The following SNAP91 variants were observed in gnomAD, a reference collection of about 807,000 sequenced individuals.
SNAP91 encodes synaptosome associated protein 91.
SNAP91 carries 27 observed loss-of-function variants against 100.3 expected under a neutral mutation model. The observed-to-expected ratio is 0.27, with a 90% CI of 0.20 to 0.37. The LOEUF is 0.37. SNAP91 is among the 10% of genes least tolerant of loss of function. The pLI is 1.00. For missense variants in SNAP91, 986 were observed against 1,123.7 expected (o/e 0.88, Z 1.75); for synonymous variants, 404 against 398.6 (o/e 1.01, Z -0.16).
chr6:83,656,761 G>A lies in SNAP91; in HGVS notation c.651C>T (p.Asn217=). The part of the protein sequence containing the change: ...LFACYNDGVI[N]LLEKFFEMKK... ...TTCGGTTGTTCCACCTACCGAGTAA[G>A]TTAATAACACCATCATTGTAGCAAG... Residue 217 remains asparagine, a synonymous_variant, in exon 7 of 30, where the codon AAC becomes AAT. Transcript: ENST00000369694. 6.5e-7 allele frequency: 1 copy of A among 1,540,706 alleles called. No individual in the cohort carries two copies.
At chr6:83,612,023 A>T (rs1326703631) in intron 11 of SNAP91, among the ~76,000 whole-genome samples, 2 of 151,560 alleles carry the variant, frequency 1.3e-5, no homozygotes, top group Non-Finnish European at 2.9e-5. Flanking sequence ...GCCAGGCCCA[A>T]GTTAATATCT....
At chr6:83,641,025 TTA>T in intron 8 of SNAP91, 69 bp downstream of exon 8, 1 of 843,172 alleles carries the variant, frequency 1.2e-6, no homozygotes, top group Non-Finnish European at 1.8e-6. Flanking sequence ...ACACCTTCTA[TTA>T]TATATACTCC....
intron 22 of SNAP91, among the ~76,000 whole-genome samples, chr6:83,584,201 T>C (rs954498294): frequency 6.6e-6 from 1 of 152,228 alleles, no homozygotes; most frequent in Non-Finnish European, 1.5e-5. Context: ...AACTGTTCTA[T>C]GTTGTGATTC....
Position 83,629,581 on chromosome 6 carries a change from C to T in SNAP91, c.766-6239G>A, listed in dbSNP as rs182012478. The stretch of plus-strand genomic sequence containing the variant: ...GTAGAGGTCTTTCACCTCCTCGGTT[C>T]GGTATATTCCTAAGTATTTTATTTT... On this transcript the variant is annotated intron_variant, in intron 8 of 29. Coordinates refer to ENST00000369694, the MANE Select transcript of SNAP91 (RefSeq NM_001242792.2). Among the ~76,000 whole-genome samples the T allele has an allele frequency of 7.6e-3, 1,154 of 151,798 alleles. 8 individuals are homozygous for T. Among genetic ancestry groups the T allele is most frequent in the African/African-American group, 0.025 (1,055 of 41,434 alleles).
intron 2 of SNAP91, among the ~76,000 whole-genome samples, chr6:83,684,398 T>C (rs1166154715): frequency 6.6e-6 from 1 of 152,112 alleles, no homozygotes; most frequent in Non-Finnish European, 1.5e-5. Context: ...ACCCCCATGC[T>C]CTTTCACAAC....
At chr6:83,679,998 A>G (rs2098964995) in intron 2 of SNAP91, among the ~76,000 whole-genome samples, 1 of 152,120 alleles carries the variant, frequency 6.6e-6, no homozygotes, top group South Asian at 2.1e-4. Flanking sequence ...CATATACTCA[A>G]TTATTAACAG....
intron 5 of SNAP91, among the ~76,000 whole-genome samples, chr6:83,661,038 G>A (rs2098534530): frequency 6.6e-6 from 1 of 152,124 alleles, no homozygotes; most frequent in South Asian, 2.1e-4. Context: ...TAACTCCTGA[G>A]CTCAAATGAT....
At chr6:83,595,954 A>T (rs1033656) in intron 16 of SNAP91, among the ~76,000 whole-genome samples, 57,107 of 152,108 alleles carry the variant, frequency 0.38, 11,479 homozygotes, top group South Asian at 0.5. Flanking sequence ...TTACCAAATC[A>T]CAAATATCCC....
intron 25 of SNAP91, chr6:83,575,396 T>A: frequency 2.4e-6 from 1 of 416,270 alleles, no homozygotes. Flanking sequence ...GTCAGAAAAA[T>A]CCAACTGGAT....
chr6:83,556,305 T>C, intron 28 of SNAP91, 60 bp from the exon 29 acceptor site: 1 of 176,910 alleles, frequency 5.7e-6, no homozygotes, highest in Admixed American at 1.0e-4. Context: ...GAATGAGACA[T>C]GGGGGGAAGA....
chr6:83,583,362 C>T (rs1038704627), intron 22 of SNAP91, among the ~76,000 whole-genome samples: 6 of 152,186 alleles, frequency 3.9e-5, no homozygotes, highest in African/African-American at 1.2e-4. Context: ...ATATCCTGCA[C>T]AGTGCCTAAA....
At chr6:83,623,364 A>G (rs1178176669) in intron 8 of SNAP91, 22 bp from the exon 9 acceptor site, 1 of 1,565,058 alleles carries the variant, frequency 6.4e-7, no homozygotes, top group Non-Finnish European at 8.7e-7. Flanking sequence ...AAAAATTAGA[A>G]ATTAGTAGAA....
intron 2 of SNAP91, among the ~76,000 whole-genome samples, chr6:83,705,318 T>C (rs2099362707): frequency 6.6e-6 from 1 of 152,166 alleles, no homozygotes; most frequent in Non-Finnish European, 1.5e-5. Context: ...AGAATTAAAA[T>C]TTTTTCATGC....
At chr6:83,583,087 C>T (rs1830690457) in intron 22 of SNAP91, among the ~76,000 whole-genome samples, 1 of 152,134 alleles carries the variant, frequency 6.6e-6, no homozygotes, top group Non-Finnish European at 1.5e-5. Context: ...ACTCACTGGC[C>T]CCTGCAGCAA....
chr6:83,706,456 A>G (rs1210957287), intron 2 of SNAP91, among the ~76,000 whole-genome samples: 1 of 152,234 alleles, frequency 6.6e-6, no homozygotes, highest in Non-Finnish European at 1.5e-5. Context: ...TGCTGTAATC[A>G]ATAAATTTAG....
At chr6:83,664,668 GA>G (rs2098641845) in intron 3 of SNAP91, among the ~76,000 whole-genome samples, 1 of 152,120 alleles carries the variant, frequency 6.6e-6, no homozygotes, top group Non-Finnish European at 1.5e-5. Flanking sequence ...TTCTGGTAAA[GA>G]TACTGTGAAC....
intron 9 of SNAP91, among the ~76,000 whole-genome samples, chr6:83,617,850 T>G (rs1291535704): frequency 6.6e-6 from 1 of 151,888 alleles, no homozygotes; most frequent in African/African-American, 2.4e-5. Context: ...CTTTCTCAAA[T>G]AGTTGTAATA....
At chr6:83,564,879 A>G (rs868161281) in intron 26 of SNAP91, among the ~76,000 whole-genome samples, 1 of 152,064 alleles carries the variant, frequency 6.6e-6, no homozygotes, top group African/African-American at 2.4e-5. Flanking sequence ...CCAAAAGCAC[A>G]AGTAATAAAA....
chr6:83,689,719 A>G (rs1016912598), intron 2 of SNAP91: 4 of 152,140 alleles, frequency 2.6e-5, no homozygotes, highest in Admixed American at 6.5e-5. Flanking sequence ...AATTCATTAA[A>G]TAATTTTTGA....
Sources: allele counts gnomAD v4.1 joint callset (sites outside exome capture counted in the v4.1 genomes callset), GRCh38; gene constraint gnomAD v4.1.1; transcripts MANE v1.5; gene names NCBI Gene and HGNC (gene_info 2026-07-23, HGNC 2026-07-21).